LDB2: variants seen among roughly 807,000 people sequenced by gnomAD.
LDB2 encodes the protein LIM domain-binding protein 2.
A neutral mutation model predicts 44.3 loss-of-function variants in LDB2; 12 were observed. The ratio of observed to expected loss-of-function variants is 0.27; its 90% CI spans 0.17 to 0.44. The LOEUF (loss-of-function observed/expected upper bound fraction) is 0.44. LDB2 is among the 20% of genes least tolerant of loss of function. LDB2 has a pLI of 1.00. For synonymous variants in LDB2, 164 were observed against 174.8 expected (o/e 0.94, Z 0.49); for missense variants, 344 against 473.5 (o/e 0.73, Z 2.54).
chr4:16,698,709 T>G (rs1752748851), intron 2 of LDB2, among the ~76,000 whole-genome samples: 1 of 152,228 alleles, frequency 6.6e-6, no homozygotes, highest in Non-Finnish European at 1.5e-5. Context: ...TTTCATGTAT[T>G]TATGACATAC....
rs540348949 is a variant in LDB2 at position 16,698,227 on chromosome 4, G to A, written c.235+60931C>T. ...TTTATTTAATTACAAACACTTCACCGAACATTCTTGAACATGTGTCTTGAT... is the reference window on the plus strand; with the variant it reads ...TTTATTTAATTACAAACACTTCACCAAACATTCTTGAACATGTGTCTTGAT... On this transcript the variant is annotated intron_variant, in intron 2 of 7. Transcript: ENST00000304523. Among the ~76,000 whole-genome samples the A allele has an allele frequency of 4.6e-5, 7 of 152,126 alleles. No individual in the cohort carries two copies. The South Asian group carries it at 8.3e-4, about 18-fold the overall frequency.
intron 1 of LDB2, among the ~76,000 whole-genome samples, chr4:16,819,083 T>A (rs547572385): frequency 9.4e-6 from 1 of 106,914 alleles, no homozygotes; most frequent in East Asian, 3.1e-4. Flanking sequence ...TCGTTTCAGT[T>A]GTGGTTGCTT....
intron 1 of LDB2, among the ~76,000 whole-genome samples, chr4:16,858,310 A>G (rs1022224355): frequency 2.0e-5 from 3 of 152,226 alleles, no homozygotes; most frequent in Admixed American, 1.3e-4. Context: ...TGGTGAAAGC[A>G]TAGAGCGCTT....
intron 1 of LDB2, among the ~76,000 whole-genome samples, chr4:16,797,177 G>T (rs780438920): frequency 6.6e-6 from 1 of 152,108 alleles, no homozygotes; most frequent in Non-Finnish European, 1.5e-5. Flanking sequence ...AGACGAAAAG[G>T]TCAGCCCGCC....
At position 16,734,052 on chromosome 4, in the gene LDB2, C is replaced by T. The variant is rs533307065; in HGVS notation, c.235+25106G>A. ...AATAAAATCTGAGTTCAAATTTTGA[C>T]TTGGCCATCATTTTCTCATCTGATA... On this transcript the variant is annotated intron_variant, in intron 2 of 7. Coordinates refer to ENST00000304523, the MANE Select transcript of LDB2 (RefSeq NM_001290.5). Among the ~76,000 whole-genome samples the T allele has an allele frequency of 3.9e-5, 6 of 152,262 alleles. No individual in the cohort carries two copies. In the East Asian group the frequency reaches 5.8e-4, roughly 15 times the overall value.
At chr4:16,755,268 A>G (rs866940457) in intron 2 of LDB2, among the ~76,000 whole-genome samples, 1 of 152,100 alleles carries the variant, frequency 6.6e-6, no homozygotes, top group Non-Finnish European at 1.5e-5. Context: ...CAAGACAGAG[A>G]AGGAAATAGC....
chr4:16,734,161 A>C (rs955573223), intron 2 of LDB2, among the ~76,000 whole-genome samples: 1 of 152,222 alleles, frequency 6.6e-6, no homozygotes, highest in East Asian at 1.9e-4. Context: ...CCTAGTTTGC[A>C]GCACATAGCA....
intron 1 of LDB2, among the ~76,000 whole-genome samples, chr4:16,773,273 C>G (rs74791351): frequency 0.022 from 3,360 of 152,256 alleles, 108 homozygotes; most frequent in East Asian, 0.15. Context: ...CACGGACACT[C>G]TGGGGGACGG....
chr4:16,823,223 A>G (rs1782438708), intron 1 of LDB2, among the ~76,000 whole-genome samples: 1 of 152,226 alleles, frequency 6.6e-6, no homozygotes, highest in Admixed American at 6.5e-5. Context: ...GCCTCATTTT[A>G]CAGATCAGAG....
intron 5 of LDB2, among the ~76,000 whole-genome samples, chr4:16,558,003 G>A (rs558095854): frequency 2.0e-5 from 3 of 152,240 alleles, no homozygotes; most frequent in Non-Finnish European, 4.4e-5. Flanking sequence ...GCAGCTGAGG[G>A]TCCTGTCTGT....
At chr4:16,529,610 C>T (rs530292518) in intron 5 of LDB2, among the ~76,000 whole-genome samples, 2 of 152,300 alleles carry the variant, frequency 1.3e-5, no homozygotes, top group South Asian at 2.1e-4. Flanking sequence ...TTTTCCTCCA[C>T]CTATCTGCAT....
chr4:16,807,210 C>T (rs900886203), intron 1 of LDB2, among the ~76,000 whole-genome samples: 1 of 152,148 alleles, frequency 6.6e-6, no homozygotes, highest in African/African-American at 2.4e-5. Context: ...GTGTACTTCA[C>T]AGGGTTAGAA....
At chr4:16,651,139 C>A (rs1252051943) in intron 2 of LDB2, 1 of 152,152 alleles carries the variant, frequency 6.6e-6, no homozygotes, top group Admixed American at 6.5e-5. Context: ...TTGAGGAGAA[C>A]ACACACTTTC....
intron 5 of LDB2, among the ~76,000 whole-genome samples, chr4:16,551,020 T>C (rs2152347825): frequency 6.6e-6 from 1 of 152,336 alleles, no homozygotes; most frequent in East Asian, 1.9e-4. Flanking sequence ...AACTTTTTTG[T>C]ACACCATTTA....
At chr4:16,752,334 G>T (rs1765650294) in intron 2 of LDB2, 1 of 402,338 alleles carries the variant, frequency 2.5e-6, no homozygotes, top group Non-Finnish European at 4.9e-6. Context: ...AGCAAAATGG[G>T]GGATGAAAAT....
intron 7 of LDB2, chr4:16,506,039 C>T (rs1719281563): frequency 6.6e-7 from 1 of 1,526,320 alleles, no homozygotes; most frequent in Non-Finnish European, 8.8e-7. Flanking sequence ...TCGCCAGACA[C>T]ACACATCGCT....
chr4:16,676,404 G>C (rs1392182152), intron 2 of LDB2, among the ~76,000 whole-genome samples: 2 of 152,206 alleles, frequency 1.3e-5, no homozygotes. Context: ...GACTGTGAAG[G>C]CTCTGAGGTA....
At chr4:16,849,854 C>T (rs1184738440) in intron 1 of LDB2, among the ~76,000 whole-genome samples, 2 of 152,164 alleles carry the variant, frequency 1.3e-5, no homozygotes, top group Non-Finnish European at 2.9e-5. Flanking sequence ...TACACCTGGT[C>T]CCTCTTACAT....
intron 2 of LDB2, among the ~76,000 whole-genome samples, chr4:16,667,607 C>G (rs1344582148): frequency 6.6e-6 from 1 of 152,214 alleles, no homozygotes; most frequent in South Asian, 2.1e-4. Context: ...ATGCATGCAA[C>G]TCACAGAATC....
Sources: gnomAD v4.1 joint callset for allele counts (sites outside exome capture counted in the v4.1 genomes callset) on GRCh38, gnomAD v4.1.1 for gene constraint, MANE v1.5 for transcripts, NCBI Gene and HGNC (gene_info 2026-07-23, HGNC 2026-07-21) for gene names.